Variants in CDKL5 observed in about 807,000 individuals in gnomAD.
The protein encoded by CDKL5 is cyclin dependent kinase like 5.
In CDKL5, 8 loss-of-function variants were observed where a neutral mutation model predicts 61.7. The ratio of observed to expected loss-of-function variants is 0.13; its 90% CI spans 0.08 to 0.23. CDKL5 has a LOEUF of 0.23. Ranked by LOEUF, CDKL5 falls within the 10% of genes least tolerant of loss-of-function variation. The pLI, the probability that CDKL5 is intolerant of heterozygous loss-of-function variation, is 1.00. For missense variants in CDKL5, 440 were observed against 734.5 expected, an observed-to-expected ratio of 0.60 and a Z score of 4.63; for synonymous variants, 275 against 272.3, an observed-to-expected ratio of 1.01 and a Z score of -0.10.
chrX:18,586,165 G>A (rs1925638845), intron 8 of CDKL5, among the ~76,000 whole-genome samples: 1 of 111,592 alleles, frequency 9.0e-6, no homozygotes, highest in Admixed American at 9.5e-5. Flanking sequence ...CTTCCATTGT[G>A]TAGGCAGAGT....
At chrX:18,547,618 A>G (rs1258753333) in intron 3 of CDKL5, among the ~76,000 whole-genome samples, 1 of 111,749 alleles carries the variant, frequency 8.9e-6, no homozygotes, top group African/African-American at 3.3e-5. Flanking sequence ...AAGACAACAG[A>G]CAAAACTTTT....
intron 9 of CDKL5, among the ~76,000 whole-genome samples, chrX:18,592,013 A>G (rs777259633): frequency 4.5e-5 from 5 of 112,258 alleles, no homozygotes; most frequent in African/African-American, 1.6e-4. Flanking sequence ...GCTAGGCTGA[A>G]TAGTGTTGAA....
chrX:18,499,442 G>C (rs1324168121), intron 1 of CDKL5, among the ~76,000 whole-genome samples: 2 of 103,241 alleles, frequency 1.9e-5, no homozygotes, highest in African/African-American at 3.6e-5. Context: ...CTCACTGTAA[G>C]CTCCGCCTCC....
chrX:18,442,759 G>C (rs1411744802), intron 1 of CDKL5, among the ~76,000 whole-genome samples: 1 of 111,961 alleles, frequency 8.9e-6, no homozygotes, highest in Non-Finnish European at 1.9e-5. Flanking sequence ...CTCCCAAAGT[G>C]CTGGGATTAC....
chrX:18,604,306 A>C lies in CDKL5; in HGVS notation c.1382A>C (p.Asn461Thr). 1 of 1,211,390 alleles carries C rather than the reference A, an allele frequency of 8.3e-7. No homozygotes were observed. The highest frequency in any genetic ancestry group is 1.1e-6 in the Non-Finnish European group (1 of 895,134). ...AGCAAAGCTGGGACACTGCAGCCCA[A>C]TGAAAAGCAGAGTCGGCATAGCTAT... is the stretch of plus-strand genomic sequence containing the variant. ...SQSKAGTLQP[N>T]EKQSRHSYID... The change falls in exon 12 of 18, where the codon AAT (asparagine) becomes ACT (threonine). Residue 461 changes from asparagine to threonine, a missense_variant. Asn to Thr is a moderately conservative substitution (Grantham distance 65). Around this residue, in one of 2 missense-constraint regions of CDKL5, gnomAD observed 363 missense variants for 516.3 expected, o/e 0.70. Transcript: ENST00000623535.
At position 18,628,540 on chromosome X, in the gene CDKL5, T is replaced by G. The variant is rs1178595991; in HGVS notation, c.2666T>G (p.Ile889Ser). ...CAGGCCTCTGGCGGGAGCAGCAACA[T>G]CCGGCAGGAACCCGCACCGAAGGGC... The part of the protein sequence containing the change: ...LSQASGGSSN[I>S]RQEPAPKGRP... Residue 889 changes from isoleucine (I) to serine (S), a missense_variant, in exon 18 of 18, where the codon ATC (isoleucine) becomes AGC (serine). Coordinates refer to ENST00000623535, the MANE Select transcript of CDKL5 (RefSeq NM_001323289.2). The G allele has an allele frequency of 8.3e-7, 1 of 1,210,049 alleles. No homozygotes were observed. The highest frequency in any genetic ancestry group is 1.1e-6 in the Non-Finnish European group (1 of 895,200).
intron 1 of CDKL5, among the ~76,000 whole-genome samples, chrX:18,444,754 C>G (rs142482763): frequency 8.9e-6 from 1 of 112,208 alleles, no homozygotes; most frequent in African/African-American, 3.2e-5. Flanking sequence ...TGTTTAAGTC[C>G]TCTTTGGATT....
At chrX:18,626,748 C>T (rs1602299677) in intron 17 of CDKL5, 2 of 63,384 alleles carry the variant, frequency 3.2e-5, no homozygotes, top group Admixed American at 2.0e-4. Flanking sequence ...CCCCCCTCCC[C>T]CCCCTTCTCT....
In CDKL5 at chrX:18,647,253, C is replaced by G. The variant is rs201680258; in HGVS notation, c.2797+1163C>G. 2.8e-4 allele frequency: 334 copies of G among 1,208,929 alleles called. No individual in the cohort carries two copies. The highest frequency in any genetic ancestry group is 3.5e-4 in the Non-Finnish European group (311 of 894,942). ...TCCACGAAGAATACCAGCCCACATACTGCTCCGGGTTAGAGCAGGTGATCT... is the reference window on the plus strand; with the variant it reads ...TCCACGAAGAATACCAGCCCACATAGTGCTCCGGGTTAGAGCAGGTGATCT... On this transcript the variant is annotated intron_variant, in intron 20 of 21. Coordinates refer to the CDKL5 transcript ENST00000379989.
chrX:18,594,401 C>T (rs906112237), intron 9 of CDKL5, among the ~76,000 whole-genome samples: 1 of 111,871 alleles, frequency 8.9e-6, no homozygotes, highest in African/African-American at 3.3e-5. Context: ...ATTTGTTAAT[C>T]TAGGAACCTG....
intron 1 of CDKL5, among the ~76,000 whole-genome samples, chrX:18,501,738 C>T (rs1922394473): frequency 2.8e-5 from 3 of 107,812 alleles, no homozygotes; most frequent in African/African-American, 6.8e-5. Flanking sequence ...TAGTAGAGAT[C>T]GGGTTTCATC....
At chrX:18,573,114 G>A (rs938292848) in intron 4 of CDKL5, among the ~76,000 whole-genome samples, 3 of 110,806 alleles carry the variant, frequency 2.7e-5, no homozygotes, top group African/African-American at 6.6e-5. Flanking sequence ...GGCCATTAAG[G>A]TGGAAAAATG....
At chrX:18,444,552 G>C (rs914558516) in intron 1 of CDKL5, among the ~76,000 whole-genome samples, 2 of 111,863 alleles carry the variant, frequency 1.8e-5, no homozygotes, top group Admixed American at 9.5e-5. Context: ...TTGGTCTCAA[G>C]TGATCCTCCC....
chrX:18,593,127 G>A (rs111342782), intron 9 of CDKL5, among the ~76,000 whole-genome samples: 483 of 112,005 alleles, frequency 4.3e-3, no homozygotes, highest in Non-Finnish European at 7.9e-3. Flanking sequence ...AGAACCTCAC[G>A]CATAGTGCTC....
At position 18,638,408 on chromosome X, in the gene CDKL5, G is replaced by A. The variant is rs932230086; in HGVS notation, c.*9651G>A. 8.0e-5 allele frequency: 9 copies of A among 112,027 alleles called. No homozygotes were observed. Among genetic ancestry groups the A allele is most frequent in the African/African-American group, 2.9e-4 (9 of 30,817 alleles). The allele number at this position is 112,027 out of a possible 1,213,427, so 9.2% of individuals were successfully genotyped here. On this transcript the variant is annotated 3_prime_UTR_variant, in exon 18 of 18. Coordinates refer to ENST00000623535, the MANE Select transcript of CDKL5 (RefSeq NM_001323289.2). ...AATAAAAGTAAATATGTTAAAATAAGGTAAGAGTGAGTTTTTCCTACACTA... is the reference window on the plus strand; with the variant it reads ...AATAAAAGTAAATATGTTAAAATAAAGTAAGAGTGAGTTTTTCCTACACTA...
At chrX:18,586,027 C>A (rs756383949) in intron 8 of CDKL5, among the ~76,000 whole-genome samples, 1 of 111,235 alleles carries the variant, frequency 9.0e-6, no homozygotes, top group Non-Finnish European at 1.9e-5. Flanking sequence ...AGTAGTAATT[C>A]TTGATTCATT....
At chrX:18,616,836 G>A (rs770434991) in intron 15 of CDKL5, among the ~76,000 whole-genome samples, 1 of 110,626 alleles carries the variant, frequency 9.0e-6, no homozygotes, top group African/African-American at 3.3e-5. Context: ...GCCAGGGGAG[G>A]GGCAGGTGGC....
intron 1 of CDKL5, among the ~76,000 whole-genome samples, chrX:18,433,753 A>T (rs1264646469): frequency 1.8e-5 from 2 of 112,355 alleles, no homozygotes; most frequent in African/African-American, 6.5e-5. Context: ...TCTTGGTGAT[A>T]TGTTGGGAAT....
chrX:18,609,911 GA>G lies in CDKL5; in HGVS notation c.2152+343del, dbSNP rs760002125. Reference sequence around the variant, plus strand: ...GTGTGTCTGGCACTGTTCTGGCTTAGAACTTGTTGGTGAACAAGATAGTCAA... The same window carrying G: ...GTGTGTCTGGCACTGTTCTGGCTTAGACTTGTTGGTGAACAAGATAGTCAA... On this transcript the variant is annotated intron_variant, in intron 14 of 17. Transcript: ENST00000623535. 4.4e-5 allele frequency among the ~76,000 whole-genome samples: 5 copies of G among 112,496 alleles called. No homozygotes were observed. The East Asian group carries it at 1.4e-3, about 31-fold the overall frequency.
Sources: gnomAD v4.1 joint callset for allele counts (sites outside exome capture counted in the v4.1 genomes callset) on GRCh38, gnomAD v4.1.1 for gene constraint, gnomAD v4.1.1 regional missense constraint, MANE v1.5 for transcripts, NCBI Gene and HGNC (gene_info 2026-07-23, HGNC 2026-07-21) for gene names.